Variants in H2AZ2 observed in about 807,000 individuals in gnomAD.
H2AZ2 encodes H2A.Z variant histone 2.
Under a neutral mutation model 15.5 loss-of-function variants are expected in H2AZ2, and 5 were observed. That is an observed-to-expected ratio of 0.32 (90% CI 0.17 to 0.68). The LOEUF is 0.68. Ranked by LOEUF, H2AZ2 falls within the 30% of genes least tolerant of loss-of-function variation. The probability of loss-of-function intolerance (pLI) is 0.72; values close to 1 mark genes in which losing one functional copy is unlikely to be tolerated. For missense variants in H2AZ2, 42 were observed against 162.5 expected, an observed-to-expected ratio of 0.26 and a Z score of 4.03; for synonymous variants, 44 against 57.4, an observed-to-expected ratio of 0.77 and a Z score of 1.05.
At position 44,840,894 on chromosome 7, in the gene H2AZ2, C is replaced by T. The variant is rs759099787; in HGVS notation, c.195+5G>A. On this transcript the variant is annotated splice_donor_5th_base_variant and intron_variant, in intron 3 of 4. Coordinates refer to ENST00000308153, the MANE Select transcript of H2AZ2 (RefSeq NM_012412.5). ...GCCATATACAACAGACATTCCTGTA[C>T]AAACCTCTGCAGTGAGGTACTCCAG... 1 of 1,602,202 alleles carries T rather than the reference C, an allele frequency of 6.2e-7. No homozygotes were observed. Among genetic ancestry groups the T allele is most frequent in the Non-Finnish European group, 8.6e-7 (1 of 1,169,374 alleles).
intron 3 of H2AZ2, among the ~76,000 whole-genome samples, chr7:44,837,001 GAAAAAC>G (rs1161515756): frequency 1.1e-4 from 17 of 149,380 alleles, no homozygotes; most frequent in East Asian, 6.1e-4. Flanking sequence ...GTCTCGAAAA[GAAAAAC>G]AAAAACAAAA....
intron 3 of H2AZ2, among the ~76,000 whole-genome samples, chr7:44,837,528 G>A (rs919744548): frequency 1.4e-5 from 2 of 142,098 alleles, no homozygotes; most frequent in African/African-American, 2.7e-5. Flanking sequence ...TGGTCTCACT[G>A]TCATGCAGGC....
chr7:44,840,343 G>A (rs894859776), intron 3 of H2AZ2, among the ~76,000 whole-genome samples: 6 of 152,194 alleles, frequency 3.9e-5, no homozygotes, highest in Non-Finnish European at 7.4e-5. Context: ...CACCTCAGCC[G>A]CCCAAAGTGT....
At position 44,834,055 on chromosome 7, in the gene H2AZ2, G is replaced by T; in HGVS notation, c.*446C>A. The T allele has an allele frequency of 1.6e-6, 1 of 615,528 alleles. No homozygotes were observed. Among genetic ancestry groups the T allele is most frequent in the Non-Finnish European group, 2.0e-6 (1 of 492,706 alleles). The allele number at this position is 615,528 out of a possible 1,614,324, so 38.1% of individuals were successfully genotyped here. On this transcript the variant is annotated 3_prime_UTR_variant, in exon 5 of 5. Coordinates refer to ENST00000308153, the MANE Select transcript of H2AZ2 (RefSeq NM_012412.5). ...TCCTTAGTCGTTTGTAAAAAATGGT[G>T]CTACAGATCAATAGCATCTAAGAGT...
rs1793025777 is a variant in H2AZ2 at position 44,832,901 on chromosome 7, G to A, written c.*1600C>T. ...AGAGGTGGAGGCTGCAGTGAGCCAG[G>A]ATCATGCCACTGCACTTCAACCTGG... On this transcript the variant is annotated 3_prime_UTR_variant, in exon 5 of 5. Transcript: ENST00000308153. Among the ~76,000 whole-genome samples the A allele has an allele frequency of 6.6e-6, 1 of 152,164 alleles. No individual in the cohort carries two copies. The highest frequency in any genetic ancestry group is 1.5e-5 in the Non-Finnish European group (1 of 68,036).
intron 1 of H2AZ2, among the ~76,000 whole-genome samples, chr7:44,843,740 G>A (rs972333935): frequency 6.6e-6 from 1 of 152,044 alleles, no homozygotes; most frequent in Non-Finnish European, 1.5e-5. Context: ...TGTATTTTTA[G>A]TAGAGGTGGG....
rs1793059798 is a variant in H2AZ2, at chr7:44,834,097, C to A, written c.*404G>T. The A allele has an allele frequency of 3.4e-6, 3 of 880,580 alleles. No individual in the cohort carries two copies. The African/African-American group carries it at 5.4e-5, about 16-fold the overall frequency. The allele number at this position is 880,580 out of a possible 1,614,324, so 54.5% of individuals were successfully genotyped here. On this transcript the variant is annotated 3_prime_UTR_variant, in exon 5 of 5. Transcript: ENST00000308153. The stretch of plus-strand genomic sequence containing the variant: ...TCTAAGAGTCAATATACCATGGTAT[C>A]AATCATTGTAAAGATATATTCCCAA...
chr7:44,831,539 C>CG (rs1022303705), downstream of H2AZ2, among the ~76,000 whole-genome samples: 38 of 151,584 alleles, frequency 2.5e-4, no homozygotes, highest in Non-Finnish European at 4.0e-4. Context: ...CTCCCCCCCC[C>CG]GCTTCTTTTT....
chr7:44,845,080 G>T (rs1347410897), intron 1 of H2AZ2, among the ~76,000 whole-genome samples: 1 of 152,024 alleles, frequency 6.6e-6, no homozygotes, highest in Non-Finnish European at 1.5e-5. Flanking sequence ...CTTTGAAATG[G>T]CATATCCCCT....
downstream of H2AZ2, among the ~76,000 whole-genome samples, chr7:44,830,342 T>A (rs1010959464): frequency 2.0e-5 from 3 of 152,210 alleles, no homozygotes; most frequent in Admixed American, 6.5e-5. Flanking sequence ...TTTGAAAATT[T>A]TCATAATGTC....
chr7:44,843,866 T>C (rs879350100), intron 1 of H2AZ2, among the ~76,000 whole-genome samples: 64 of 152,162 alleles, frequency 4.2e-4, no homozygotes, highest in Non-Finnish European at 6.5e-4. Flanking sequence ...CTGAAAAATA[T>C]GAGATTTTTA....
At chr7:44,844,765 G>T (rs992559252) in intron 1 of H2AZ2, among the ~76,000 whole-genome samples, 2 of 152,042 alleles carry the variant, frequency 1.3e-5, no homozygotes, top group African/African-American at 4.8e-5. Context: ...TGAACTGTAC[G>T]CTTTAAAAAA....
chr7:44,847,359 G>A (rs148632219), intron 1 of H2AZ2, among the ~76,000 whole-genome samples: 1,720 of 152,248 alleles, frequency 0.011, 29 homozygotes, highest in Non-Finnish European at 0.016. Flanking sequence ...AAGGGCAAAG[G>A]AAAGTACTGT....
downstream of H2AZ2, chr7:44,828,441 C>CTG (rs1425442792): frequency 6.6e-6 from 1 of 152,204 alleles, no homozygotes; most frequent in Non-Finnish European, 1.5e-5. Context: ...GCACCAGGAA[C>CTG]TGTGCTAAGT....
At chr7:44,830,008 G>T, downstream of H2AZ2, 1 of 676,198 alleles carries the variant, frequency 1.5e-6, no homozygotes, top group Non-Finnish European at 2.5e-6. Flanking sequence ...TTGAATTCAC[G>T]TATCTGAGAA....
At chr7:44,843,397 A>G in intron 1 of H2AZ2, 43 bp from the exon 2 acceptor site, 2 of 1,297,356 alleles carry the variant, frequency 1.5e-6, no homozygotes, top group Non-Finnish European at 2.2e-6. Flanking sequence ...AGAGTTGAAA[A>G]TACTACTTCA....
At chr7:44,847,566 C>A (rs933511230) in intron 1 of H2AZ2, among the ~76,000 whole-genome samples, 1 of 152,184 alleles carries the variant, frequency 6.6e-6, no homozygotes, top group Non-Finnish European at 1.5e-5. Flanking sequence ...AACCAAACAT[C>A]GCCAAAGACT....
intron 1 of H2AZ2, among the ~76,000 whole-genome samples, chr7:44,845,226 G>A (rs976017843): frequency 6.6e-6 from 1 of 151,962 alleles, no homozygotes; most frequent in African/African-American, 2.4e-5. Context: ...AACCCTGGCA[G>A]GTATCAGAAA....
At chr7:44,839,274 A>G (rs1428819165) in intron 3 of H2AZ2, among the ~76,000 whole-genome samples, 1 of 152,160 alleles carries the variant, frequency 6.6e-6, no homozygotes, top group Non-Finnish European at 1.5e-5. Flanking sequence ...TTCAAAGTTC[A>G]CTGGGGTATG....
Sources: gnomAD v4.1 joint callset for allele counts (sites outside exome capture counted in the v4.1 genomes callset) on GRCh38, gnomAD v4.1.1 for gene constraint, MANE v1.5 for transcripts, NCBI Gene and HGNC (gene_info 2026-07-23, HGNC 2026-07-21) for gene names.